Variants in NUDT3 observed in about 807,000 individuals in gnomAD.
The protein encoded by NUDT3 is nudix hydrolase 3, also known as diphosphoinositol polyphosphate phosphohydrolase 1.
NUDT3 carries 9 observed loss-of-function variants against 23.6 expected under a neutral mutation model. The ratio of observed to expected loss-of-function variants is 0.38; its 90% CI spans 0.23 to 0.66. The LOEUF (loss-of-function observed/expected upper bound fraction) is 0.66, where lower values mean the gene tolerates loss of function less well. NUDT3 is among the 30% of genes least tolerant of loss of function. The probability of loss-of-function intolerance (pLI) is 0.52; values close to 1 mark genes in which losing one functional copy is unlikely to be tolerated. For missense variants in NUDT3, 172 were observed against 218.5 expected (o/e 0.79, Z 1.34); for synonymous variants, 86 against 82.6 (o/e 1.04, Z -0.22).
At chr6:34,364,110 C>A (rs1297911505) in intron 1 of NUDT3, among the ~76,000 whole-genome samples, 3 of 152,140 alleles carry the variant, frequency 2.0e-5, no homozygotes, top group Non-Finnish European at 4.4e-5. Flanking sequence ...ACAAATTTTT[C>A]TGCTGGTGTT....
At chr6:34,369,923 T>C (rs1241498371) in intron 1 of NUDT3, among the ~76,000 whole-genome samples, 2 of 151,786 alleles carry the variant, frequency 1.3e-5, no homozygotes, top group Non-Finnish European at 2.9e-5. Flanking sequence ...ATATTCATAA[T>C]CTTGGGGACA....
chr6:34,355,888 G>T (rs1317787410), intron 1 of NUDT3, among the ~76,000 whole-genome samples: 1 of 152,140 alleles, frequency 6.6e-6, no homozygotes, highest in Admixed American at 6.5e-5. Flanking sequence ...TGTGCCCAGG[G>T]AAGGCATGGA....
intron 1 of NUDT3, among the ~76,000 whole-genome samples, chr6:34,347,833 G>A (rs748577998): frequency 2.4e-4 from 36 of 152,094 alleles, no homozygotes; most frequent in Middle Eastern, 6.8e-3. Context: ...CAGTGATAAT[G>A]AAAAGAGATA....
At chr6:34,321,060 T>C (rs1763934434) in intron 2 of NUDT3, among the ~76,000 whole-genome samples, 1 of 152,118 alleles carries the variant, frequency 6.6e-6, no homozygotes, top group African/African-American at 2.4e-5. Flanking sequence ...ATGCATTATG[T>C]CAGATGTGTG....
intron 1 of NUDT3, among the ~76,000 whole-genome samples, chr6:34,353,090 C>G (rs1447889451): frequency 6.6e-6 from 1 of 152,152 alleles, no homozygotes; most frequent in Admixed American, 6.5e-5. Flanking sequence ...AGAGGCACTT[C>G]TTGTGAAGAC....
rs60517827 is a variant in NUDT3, at chr6:34,297,759, A to ATATATATAT, written c.211-2075_211-2074insATATATATA. Among the ~76,000 whole-genome samples, 343 of 70,858 alleles carry ATATATATAT rather than the reference A, an allele frequency of 4.8e-3. 8 individuals are homozygous for ATATATATAT. Among genetic ancestry groups the ATATATATAT allele is most frequent in the African/African-American group, 0.02 (298 of 15,006 alleles). 46.5% of individuals were successfully genotyped at this position (70,858 alleles called of 152,430 possible). ...TATATATATATATATATATATATAT[A>ATATATATAT]ATTTTTTTTTTTTTTTTAGTAGAGA... On this transcript the variant is annotated intron_variant, in intron 2 of 4. Coordinates refer to ENST00000607016, the MANE Select transcript of NUDT3 (RefSeq NM_006703.4).
intron 2 of NUDT3, among the ~76,000 whole-genome samples, chr6:34,326,444 CAT>C (rs1391617323): frequency 1.3e-5 from 2 of 152,156 alleles, no homozygotes; most frequent in Admixed American, 1.3e-4. Flanking sequence ...TTAATTAACA[CAT>C]ACTTTGGTTG....
chr6:34,328,733 C>T (rs558146320), intron 2 of NUDT3, among the ~76,000 whole-genome samples: 20 of 152,198 alleles, frequency 1.3e-4, no homozygotes, highest in Middle Eastern at 3.4e-3. Flanking sequence ...GTTTATGAGC[C>T]GGAGACCCCT....
At chr6:34,359,173 A>C (rs1764610002) in intron 1 of NUDT3, among the ~76,000 whole-genome samples, 1 of 152,158 alleles carries the variant, frequency 6.6e-6, no homozygotes, top group Non-Finnish European at 1.5e-5. Flanking sequence ...GGAGATCGAA[A>C]CCATCCTGGC....
At chr6:34,310,806 A>C (rs79311102) in intron 2 of NUDT3, among the ~76,000 whole-genome samples, 14,561 of 152,204 alleles carry the variant, frequency 0.096, 801 homozygotes, top group Non-Finnish European at 0.12. Flanking sequence ...ATTACACCTA[A>C]AACCAAGTGG....
intron 1 of NUDT3, among the ~76,000 whole-genome samples, chr6:34,346,367 G>A (rs1020291954): frequency 9.2e-5 from 14 of 152,028 alleles, no homozygotes; most frequent in Admixed American, 3.9e-4. Flanking sequence ...CTTACTTCCC[G>A]GTAAAGTGTT....
rs146250953 is a variant in NUDT3, at chr6:34,284,803, A to T, written c.*3950T>A. The stretch of plus-strand genomic sequence containing the variant: ...AAAGGGTGACTTTTTTCTTCTAAGC[A>T]AGCAAGCCTGAGAGGCATTACATGG... On this transcript the variant is annotated 3_prime_UTR_variant, in exon 5 of 5. Coordinates refer to ENST00000607016, the MANE Select transcript of NUDT3 (RefSeq NM_006703.4). 1 of 152,328 alleles carries T rather than the reference A, an allele frequency of 6.6e-6. No individual in the cohort carries two copies. Among genetic ancestry groups the T allele is most frequent in the Non-Finnish European group, 1.5e-5 (1 of 68,034 alleles). The allele number at this position is 152,328 out of a possible 1,614,324, so 9.4% of individuals were successfully genotyped here.
chr6:34,354,394 AACACACAC>A (rs370168110), intron 1 of NUDT3, among the ~76,000 whole-genome samples: 25 of 137,722 alleles, frequency 1.8e-4, no homozygotes, highest in Non-Finnish European at 2.6e-4. Flanking sequence ...GATTTCATTA[AACACACAC>A]ACACACACAC....
At chr6:34,327,103 G>A (rs1764047291) in intron 2 of NUDT3, among the ~76,000 whole-genome samples, 1 of 152,042 alleles carries the variant, frequency 6.6e-6, no homozygotes, top group Admixed American at 6.6e-5. Context: ...AGGGTAAGGA[G>A]GGTGAGTCAT....
chr6:34,380,156 T>C (rs369613833), intron 1 of NUDT3, among the ~76,000 whole-genome samples: 7 of 152,068 alleles, frequency 4.6e-5, no homozygotes, highest in East Asian at 1.9e-4. Flanking sequence ...CGATCTCGGC[T>C]CACTGCAACT....
chr6:34,358,699 C>A (rs1053576809), intron 1 of NUDT3, among the ~76,000 whole-genome samples: 5 of 152,234 alleles, frequency 3.3e-5, no homozygotes, highest in African/African-American at 9.6e-5. Flanking sequence ...GAAACCCACG[C>A]CTCACAGGGG....
intron 4 of NUDT3, among the ~76,000 whole-genome samples, chr6:34,291,238 C>T (rs1242091381): frequency 1.3e-5 from 2 of 151,978 alleles, no homozygotes; most frequent in Admixed American, 6.6e-5. Context: ...GGATTACAAA[C>T]GTGATCCACC....
At chr6:34,367,864 G>A (rs1444418067) in intron 1 of NUDT3, among the ~76,000 whole-genome samples, 1 of 152,172 alleles carries the variant, frequency 6.6e-6, no homozygotes, top group Admixed American at 6.6e-5. Context: ...TACCATTTTG[G>A]GGAGTGGGGA....
intron 3 of NUDT3, among the ~76,000 whole-genome samples, chr6:34,293,975 T>C (rs1414264160): frequency 1.3e-5 from 2 of 151,942 alleles, no homozygotes; most frequent in Non-Finnish European, 2.9e-5. Flanking sequence ...CCACACCCCT[T>C]TTCCCACTAA....
Sources: allele counts gnomAD v4.1 joint callset (sites outside exome capture counted in the v4.1 genomes callset), GRCh38; gene constraint gnomAD v4.1.1; transcripts MANE v1.5; gene names NCBI Gene and HGNC (gene_info 2026-07-23, HGNC 2026-07-21).